Variants in IQCE observed in about 807,000 individuals in gnomAD.
IQCE encodes IQ domain-containing protein E.
IQCE carries 115 observed loss-of-function variants against 96.0 expected under a neutral mutation model. That is an observed-to-expected ratio of 1.20 (90% CI 1.03 to 1.40). The LOEUF is 1.40. IQCE is among the 40% of genes most tolerant of loss of function. The probability of loss-of-function intolerance (pLI) is 0.00; values close to 1 mark genes in which losing one functional copy is unlikely to be tolerated. For synonymous variants in IQCE, 412 were observed against 371.2 expected, an observed-to-expected ratio of 1.11 and a Z score of -1.26; for missense variants, 1,041 against 909.1, an observed-to-expected ratio of 1.15 and a Z score of -1.87.
At chr7:2,600,334 G>A (rs1256032403) in intron 17 of IQCE, among the ~76,000 whole-genome samples, 2 of 152,200 alleles carry the variant, frequency 1.3e-5, no homozygotes, top group African/African-American at 2.4e-5. Flanking sequence ...GGACCAGGCC[G>A]GCCCCTGTTT....
At chr7:2,596,268 AAG>A (rs1365604451) in intron 16 of IQCE, among the ~76,000 whole-genome samples, 1 of 152,012 alleles carries the variant, frequency 6.6e-6, no homozygotes, top group Non-Finnish European at 1.5e-5. Context: ...TCACTAAAAA[AAG>A]AAAAGAAAGA....
chr7:2,588,658 T>G (rs79556540), intron 13 of IQCE, among the ~76,000 whole-genome samples: 2 of 123,416 alleles, frequency 1.6e-5, no homozygotes, highest in African/African-American at 3.2e-5. Context: ...TGGCTGGTTT[T>G]TTTTTTTTTT....
chr7:2,587,748 C>CT, intron 12 of IQCE, 74 bp from the exon 13 acceptor site: 1 of 1,405,936 alleles, frequency 7.1e-7, no homozygotes, highest in Non-Finnish European at 1.0e-6. Flanking sequence ...GAGCCTCAGG[C>CT]CATACCTGAG....
intron 1 of IQCE, among the ~76,000 whole-genome samples, chr7:2,562,062 A>C (rs1781004569): frequency 6.6e-6 from 1 of 152,174 alleles, no homozygotes; most frequent in South Asian, 2.1e-4. Flanking sequence ...AGGCTGAGGA[A>C]ATTCTCTTCA....
chr7:2,593,994 G>C (rs62439485), intron 15 of IQCE, among the ~76,000 whole-genome samples: 19,507 of 152,036 alleles, frequency 0.13, 1,477 homozygotes, highest in Non-Finnish European at 0.16. Context: ...GGGCACAGTG[G>C]CTCATGCCTG....
chr7:2,592,978 A>G (rs1276181508), intron 14 of IQCE, 44 bp from the exon 15 acceptor site: 23 of 1,560,092 alleles, frequency 1.5e-5, no homozygotes, highest in Admixed American at 5.2e-5. Context: ...GACATAACCT[A>G]CAGTTTTTGT....
At chr7:2,606,607 G>C (rs888925175) in intron 20 of IQCE, among the ~76,000 whole-genome samples, 1 of 152,168 alleles carries the variant, frequency 6.6e-6, no homozygotes, top group African/African-American at 2.4e-5. Flanking sequence ...CTGGTTCTCA[G>C]CCTCTGTGGT....
Position 2,593,175 on chromosome 7 carries a change from C to T in IQCE, c.1349+49C>T, listed in dbSNP as rs1783746815. On this transcript the variant is annotated intron_variant, in intron 15 of 21. Coordinates refer to ENST00000402050, the MANE Select transcript of IQCE (RefSeq NM_152558.5). ...GAGAGGACCCAGGCGAGTCCGCACT[C>T]CTGCTACCACTGCGGCCCCCCGTGG... 1.9e-6 allele frequency: 3 copies of T among 1,551,130 alleles called. No homozygotes were observed. In the South Asian group the frequency reaches 3.6e-5, roughly 18 times the overall value.
intron 1 of IQCE, among the ~76,000 whole-genome samples, chr7:2,563,100 A>AT (rs1240714444): frequency 6.6e-6 from 1 of 151,242 alleles, no homozygotes; most frequent in Non-Finnish European, 1.5e-5. Context: ...GAATTTTTTA[A>AT]TTTTTTGTCA....
At chr7:2,578,675 A>G in intron 8 of IQCE, 149 bp downstream of exon 8, 2 of 771,774 alleles carry the variant, frequency 2.6e-6, no homozygotes. Context: ...CTCCACTGAC[A>G]CCTGGGGACA....
intron 1 of IQCE, among the ~76,000 whole-genome samples, chr7:2,566,292 CT>C (rs57683972): frequency 0.028 from 3,842 of 137,532 alleles, 241 homozygotes; most frequent in East Asian, 0.27. Context: ...AAAAAGCTTC[CT>C]TTTTTTTTTT....
chr7:2,578,343 G>C lies in IQCE; in HGVS notation c.567G>C (p.Leu189=). ...SRKDRQIEQL[L]DPSRGTDFVR... is the part of the protein sequence containing the mutation. ...AGGACCGGCAGATAGAGCAGCTCCTGGATCCCAGCCGCGTAAGCTCCTGGC... is the reference window on the plus strand; with the variant it reads ...AGGACCGGCAGATAGAGCAGCTCCTCGATCCCAGCCGCGTAAGCTCCTGGC... The change falls in exon 7 of 22, where the codon CTG becomes CTC. Residue 189 remains leucine, a synonymous_variant. Coordinates refer to ENST00000402050, the MANE Select transcript of IQCE (RefSeq NM_152558.5). 1 of 1,613,968 alleles carries C rather than the reference G, an allele frequency of 6.2e-7. No homozygotes were observed. The highest frequency in any genetic ancestry group is 8.5e-7 in the Non-Finnish European group (1 of 1,179,866).
intron 4 of IQCE, 45 bp downstream of exon 4, chr7:2,571,699 G>A (rs779388803): frequency 6.4e-7 from 1 of 1,567,230 alleles, no homozygotes; most frequent in Non-Finnish European, 8.6e-7. Context: ...TGAGAGAAGA[G>A]TTCGAGAAAT....
chr7:2,606,065 G>C, intron 20 of IQCE, 68 bp downstream of exon 20: 1 of 1,516,818 alleles, frequency 6.6e-7, no homozygotes, highest in Non-Finnish European at 8.8e-7. Context: ...CACTGGGCCC[G>C]GAGCACTGGG....
chr7:2,565,238 CGTGTGTGTGT>C (rs1056772615), intron 1 of IQCE, among the ~76,000 whole-genome samples: 1 of 140,138 alleles, frequency 7.1e-6, no homozygotes, highest in East Asian at 2.0e-4. Flanking sequence ...AGTGTGTGTG[CGTGTGTGTGT>C]GTGCATGCGT....
At chr7:2,608,539 G>A (rs1784977138) in intron 21 of IQCE, among the ~76,000 whole-genome samples, 1 of 152,212 alleles carries the variant, frequency 6.6e-6, no homozygotes, top group Non-Finnish European at 1.5e-5. Context: ...ACAAAGATGA[G>A]CAGCCTGGGG....
intron 13 of IQCE, among the ~76,000 whole-genome samples, chr7:2,588,108 C>T (rs544179606): frequency 3.5e-4 from 53 of 152,354 alleles, no homozygotes; most frequent in African/African-American, 9.9e-4. Flanking sequence ...AGACGCGCTT[C>T]GCACTGGAGC....
chr7:2,561,611 C>T (rs1417764591), intron 1 of IQCE, among the ~76,000 whole-genome samples: 1 of 151,750 alleles, frequency 6.6e-6, no homozygotes, highest in Admixed American at 6.6e-5. Flanking sequence ...TTGGTAGACA[C>T]GGGGTTTCAC....
At chr7:2,577,722 G>C (rs113772532) in intron 6 of IQCE, among the ~76,000 whole-genome samples, 15 of 92,770 alleles carry the variant, frequency 1.6e-4, no homozygotes, top group East Asian at 5.8e-4. Context: ...GCGCGGGGAC[G>C]TGTGTGCGGC....
Sources: allele counts gnomAD v4.1 joint callset (sites outside exome capture counted in the v4.1 genomes callset), GRCh38; gene constraint gnomAD v4.1.1; transcripts MANE v1.5; gene names NCBI Gene and HGNC (gene_info 2026-07-23, HGNC 2026-07-21).